Variants in PCDHGA8 observed in about 807,000 individuals in gnomAD.
PCDHGA8 encodes protocadherin gamma-A8.
A neutral mutation model predicts 59.2 loss-of-function variants in PCDHGA8; 45 were observed. The ratio of observed to expected loss-of-function variants is 0.76; its 90% CI spans 0.60 to 0.98. The LOEUF (loss-of-function observed/expected upper bound fraction) is 0.98, where lower values mean the gene tolerates loss of function less well. Among genes scored for constraint, PCDHGA8 ranks in the 50% least tolerant of loss-of-function variants. The probability of loss-of-function intolerance (pLI) is 0.00; values close to 1 mark genes in which losing one functional copy is unlikely to be tolerated. For missense variants in PCDHGA8, 1,257 were observed against 1,196.2 expected, an observed-to-expected ratio of 1.05 and a Z score of -0.75; for synonymous variants, 531 against 519.0, an observed-to-expected ratio of 1.02 and a Z score of -0.32.
intron 1 of PCDHGA8, among the ~76,000 whole-genome samples, chr5:141,479,998 G>A (rs2099511091): frequency 6.6e-6 from 1 of 152,272 alleles, no homozygotes; most frequent in South Asian, 2.1e-4. Flanking sequence ...AGGAGTCTGT[G>A]GCCAAGTTAC....
chr5:141,398,704 G>A (rs1044524998), intron 1 of PCDHGA8: 9 of 1,613,808 alleles, frequency 5.6e-6, no homozygotes, highest in Non-Finnish European at 7.6e-6. Flanking sequence ...TAAATACCCG[G>A]AACTGGCACT....
intron 1 of PCDHGA8, among the ~76,000 whole-genome samples, chr5:141,438,615 T>C (rs566173071): frequency 5.6e-5 from 2 of 35,920 alleles, no homozygotes; most frequent in Admixed American, 4.1e-4. Flanking sequence ...TATATATATA[T>C]ATATATATAT....
intron 1 of PCDHGA8, chr5:141,409,049 AG>A: frequency 6.2e-7 from 1 of 1,614,028 alleles, no homozygotes; most frequent in African/African-American, 1.3e-5. Context: ...CTACTTCCGA[AG>A]CACTGCCCAG....
rs1373988780 is a variant in PCDHGA8, at chr5:141,404,040, G to A, written c.2424+8803G>A. 1.9e-5 allele frequency: 30 copies of A among 1,613,694 alleles called. No homozygotes were observed. The highest frequency in any genetic ancestry group is 2.3e-5 in the Non-Finnish European group (27 of 1,179,836). On this transcript the variant is annotated intron_variant, in intron 1 of 3. Transcript: ENST00000398604. Reference sequence around the variant, plus strand: ...CCAGTGAGAGAAGACGCACCTCAGGGAACAGTAATTCTTCTTTTCAATGCT... The same window carrying A: ...CCAGTGAGAGAAGACGCACCTCAGGAAACAGTAATTCTTCTTTTCAATGCT...
intron 1 of PCDHGA8, chr5:141,410,094 C>G: frequency 6.2e-7 from 1 of 1,612,646 alleles, no homozygotes; most frequent in Non-Finnish European, 8.5e-7. Context: ...ACGGCTCGAG[C>G]CTTAGGCGAC....
At chr5:141,410,369 A>G in intron 1 of PCDHGA8, 1 of 1,613,954 alleles carries the variant, frequency 6.2e-7, no homozygotes. Context: ...CAGCCCTGCT[A>G]CTTGGGACTG....
At chr5:141,413,299 G>T in intron 1 of PCDHGA8, 1 of 1,613,966 alleles carries the variant, frequency 6.2e-7, no homozygotes, top group Non-Finnish European at 8.5e-7. Flanking sequence ...AATTCCTGAG[G>T]AATTAGAGAA....
intron 1 of PCDHGA8, chr5:141,413,232 G>A (rs374674787): frequency 1.1e-4 from 170 of 1,613,834 alleles, no homozygotes; most frequent in Non-Finnish European, 1.4e-4. Context: ...GGCTGGTCCT[G>A]CTCTGCCTTT....
intron 1 of PCDHGA8, among the ~76,000 whole-genome samples, chr5:141,437,629 G>A (rs538730617): frequency 6.6e-6 from 1 of 152,284 alleles, no homozygotes; most frequent in Non-Finnish European, 1.5e-5. Flanking sequence ...CATATAAGAT[G>A]TCAGGTTCAG....
chr5:141,408,144 G>A (rs868032463), intron 1 of PCDHGA8: 1 of 1,496,186 alleles, frequency 6.7e-7, no homozygotes, highest in Non-Finnish European at 8.9e-7. Flanking sequence ...CTTTTAGCGC[G>A]GTAGAGTGCA....
chr5:141,415,247 C>G, intron 1 of PCDHGA8: 1 of 1,614,210 alleles, frequency 6.2e-7, no homozygotes. Context: ...TCTGAAACCT[C>G]AGACCTCACT....
intron 1 of PCDHGA8, chr5:141,400,326 T>A: frequency 6.2e-7 from 1 of 1,614,104 alleles, no homozygotes; most frequent in Non-Finnish European, 8.5e-7. Flanking sequence ...AGTCTGGACC[T>A]GTGGTTCCCC....
rs556415227 is a variant in PCDHGA8, at chr5:141,476,903, G to A, written c.2425-17904G>A. ...GGAGGATGCACCCTCCGGCACGCGC[G>A]TGGTACAAGTCCTTGCAACGGATCT... On this transcript the variant is annotated intron_variant, in intron 1 of 3. Transcript: ENST00000398604. This position sits in a 1 kb window ranked among gnomAD's most constrained non-coding sequence, Gnocchi z 7.6. The A allele has an allele frequency of 1.4e-5, 22 of 1,614,018 alleles. No homozygotes were observed. In the African/African-American group the frequency reaches 1.7e-4, roughly 13 times the overall value.
At chr5:141,404,096 G>C in intron 1 of PCDHGA8, 1 of 1,613,610 alleles carries the variant, frequency 6.2e-7, no homozygotes, top group Non-Finnish European at 8.5e-7. Flanking sequence ...GAATGGTCAA[G>C]TTGTCTGTTC....
At position 141,438,631 on chromosome 5, in the gene PCDHGA8, T is replaced by C. The variant is rs1227796079; in HGVS notation, c.2424+43394T>C. 6.5e-4 allele frequency among the ~76,000 whole-genome samples: 28 copies of C among 43,202 alleles called. 1 individual carries two copies. Among genetic ancestry groups the C allele is most frequent in the Non-Finnish European group, 8.8e-4 (23 of 26,272 alleles). 28.3% of individuals were successfully genotyped at this position (43,202 alleles called of 152,430 possible). On this transcript the variant is annotated intron_variant, in intron 1 of 3. Transcript: ENST00000398604. ...ATATATATATATATATATATATATATATATACACACACACACACACATATA... is the reference window on the plus strand; with the variant it reads ...ATATATATATATATATATATATATACATATACACACACACACACACATATA...
At chr5:141,402,087 A>G (rs1388054772) in intron 1 of PCDHGA8, among the ~76,000 whole-genome samples, 1 of 152,224 alleles carries the variant, frequency 6.6e-6, no homozygotes, top group Non-Finnish European at 1.5e-5. Context: ...GAAATAGCAG[A>G]AAAGTTTAAG....
Position 141,392,799 on chromosome 5 carries a change from T to A in PCDHGA8, c.-15T>A. 1 of 1,570,210 alleles carries A rather than the reference T, an allele frequency of 6.4e-7. No individual in the cohort carries two copies. The highest frequency in any genetic ancestry group is 8.6e-7 in the Non-Finnish European group (1 of 1,159,494). The stretch of plus-strand genomic sequence containing the variant: ...CACAGTGAAGATTCTGAGAGGATTC[T>A]GCAGCAAAACAACAATGGCCGCTCC... On this transcript the variant is annotated 5_prime_UTR_variant, in exon 1 of 4. Transcript: ENST00000398604.
intron 1 of PCDHGA8, 82 bp from the exon 2 acceptor site, chr5:141,494,725 C>T: frequency 6.2e-7 from 1 of 1,610,026 alleles, no homozygotes; most frequent in Middle Eastern, 1.7e-4. Context: ...CCCTCCTTCT[C>T]TCCCGGCCCA....
At chr5:141,412,479 T>G (rs1282087411) in intron 1 of PCDHGA8, 1 of 152,180 alleles carries the variant, frequency 6.6e-6, no homozygotes, top group African/African-American at 2.4e-5. Context: ...TTTAAAAACC[T>G]CTTACACAAT....
Sources: allele counts gnomAD v4.1 joint callset (sites outside exome capture counted in the v4.1 genomes callset), GRCh38; gene constraint gnomAD v4.1.1; non-coding constraint Gnocchi (gnomAD v3.1); transcripts MANE v1.5; gene names NCBI Gene and HGNC (gene_info 2026-07-23, HGNC 2026-07-21).